Variants in STX8 observed in about 807,000 individuals in gnomAD.
The protein encoded by STX8 is syntaxin 8, also known as syntaxin-8.
A neutral mutation model predicts 37.5 loss-of-function variants in STX8; 23 were observed. The observed-to-expected ratio is 0.61, with a 90% CI of 0.44 to 0.87. STX8 has a LOEUF of 0.87. STX8 is among the 40% of genes least tolerant of loss of function. The pLI is 0.00. For synonymous variants in STX8, 115 were observed against 99.1 expected, an observed-to-expected ratio of 1.16 and a Z score of -0.95; for missense variants, 313 against 284.7, an observed-to-expected ratio of 1.10 and a Z score of -0.71.
At chr17:9,366,008 G>C (rs1204004177) in intron 7 of STX8, among the ~76,000 whole-genome samples, 1 of 151,976 alleles carries the variant, frequency 6.6e-6, no homozygotes, top group African/African-American at 2.4e-5. Context: ...GAGAGACAGA[G>C]GAAGAGGGAA....
chr17:9,483,258 C>G (rs1244245615), intron 6 of STX8, among the ~76,000 whole-genome samples: 2 of 152,006 alleles, frequency 1.3e-5, no homozygotes, highest in Non-Finnish European at 2.9e-5. Flanking sequence ...TCCTTGTACC[C>G]TTGGCTCATG....
chr17:9,369,498 TGA>T (rs1911335240), intron 7 of STX8, among the ~76,000 whole-genome samples: 1 of 152,188 alleles, frequency 6.6e-6, no homozygotes, highest in Non-Finnish European at 1.5e-5. Context: ...AATAATTCTC[TGA>T]GAGACAAAAG....
chr17:9,510,945 A>C (rs530186356), intron 4 of STX8, among the ~76,000 whole-genome samples: 1 of 152,264 alleles, frequency 6.6e-6, no homozygotes, highest in African/African-American at 2.4e-5. Flanking sequence ...GATGCCACAG[A>C]AATACAAAGA....
chr17:9,338,882 T>C (rs537242951), intron 7 of STX8, among the ~76,000 whole-genome samples: 1 of 151,952 alleles, frequency 6.6e-6, no homozygotes, highest in East Asian at 1.9e-4. Flanking sequence ...CCATCCTGGC[T>C]AACACAGTGA....
intron 7 of STX8, among the ~76,000 whole-genome samples, chr17:9,370,607 T>C (rs1230365722): frequency 6.6e-6 from 1 of 152,186 alleles, no homozygotes; most frequent in Non-Finnish European, 1.5e-5. Context: ...TCTAACCACA[T>C]CACTGAAACA....
chr17:9,334,938 C>T (rs1203403118), intron 7 of STX8, among the ~76,000 whole-genome samples: 1 of 152,190 alleles, frequency 6.6e-6, no homozygotes, highest in Non-Finnish European at 1.5e-5. Context: ...TTAACTTTCT[C>T]ATTCTCCTTG....
At chr17:9,259,600 A>C (rs1264052341) in intron 7 of STX8, among the ~76,000 whole-genome samples, 2 of 152,214 alleles carry the variant, frequency 1.3e-5, no homozygotes, top group Non-Finnish European at 2.9e-5. Flanking sequence ...TATTAGCTAC[A>C]GGAAGGGCAG....
At chr17:9,257,315 G>A (rs987555780) in intron 7 of STX8, among the ~76,000 whole-genome samples, 1 of 152,160 alleles carries the variant, frequency 6.6e-6, no homozygotes, top group Non-Finnish European at 1.5e-5. Flanking sequence ...CAGGAATGGT[G>A]TTTTCTGAAG....
chr17:9,440,682 G>A (rs991863151), intron 6 of STX8, among the ~76,000 whole-genome samples: 13 of 151,978 alleles, frequency 8.6e-5, no homozygotes, highest in Admixed American at 1.3e-4. Flanking sequence ...GGACCACCAC[G>A]CTCAGCTAAT....
chr17:9,502,552 A>AT (rs1200229398), intron 5 of STX8, among the ~76,000 whole-genome samples: 1 of 152,218 alleles, frequency 6.6e-6, no homozygotes, highest in East Asian at 1.9e-4. Flanking sequence ...CATAAATATA[A>AT]TTTTTACTTG....
intron 7 of STX8, among the ~76,000 whole-genome samples, chr17:9,294,110 T>G (rs1908425112): frequency 6.6e-6 from 1 of 152,152 alleles, no homozygotes; most frequent in African/African-American, 2.4e-5. Context: ...ATGATGAAGA[T>G]TCCACGGCTA....
At chr17:9,256,172 A>T (rs543219063) in intron 7 of STX8, among the ~76,000 whole-genome samples, 1 of 152,326 alleles carries the variant, frequency 6.6e-6, no homozygotes, top group East Asian at 1.9e-4. Flanking sequence ...GAACTCTCCT[A>T]CCTAAGGCCC....
At chr17:9,514,231 G>T (rs1057125727) in intron 4 of STX8, among the ~76,000 whole-genome samples, 6 of 152,166 alleles carry the variant, frequency 3.9e-5, no homozygotes, top group African/African-American at 1.4e-4. Flanking sequence ...TAATTATCCT[G>T]ACTGGCTCAT....
At chr17:9,367,498 C>A (rs978649712) in intron 7 of STX8, among the ~76,000 whole-genome samples, 1 of 152,148 alleles carries the variant, frequency 6.6e-6, no homozygotes, top group Non-Finnish European at 1.5e-5. Flanking sequence ...CAGAGTCTGC[C>A]TCTGATTCTG....
chr17:9,556,053 G>A (rs1037896088), intron 3 of STX8, among the ~76,000 whole-genome samples: 1 of 152,222 alleles, frequency 6.6e-6, no homozygotes, highest in East Asian at 1.9e-4. Context: ...TTCCAATTGC[G>A]TTAAAAATAA....
intron 7 of STX8, among the ~76,000 whole-genome samples, chr17:9,322,582 T>C (rs1232414066): frequency 6.6e-6 from 1 of 152,148 alleles, no homozygotes; most frequent in East Asian, 1.9e-4. Context: ...CAGGGATCCA[T>C]TCACACCAGT....
chr17:9,400,271 T>C (rs1043545415), intron 6 of STX8, among the ~76,000 whole-genome samples: 21 of 150,904 alleles, frequency 1.4e-4, no homozygotes, highest in Middle Eastern at 3.4e-3. Flanking sequence ...CTCAGCTAAT[T>C]TTTTGTATTT....
intron 4 of STX8, among the ~76,000 whole-genome samples, chr17:9,528,358 C>T (rs779595806): frequency 6.6e-6 from 1 of 152,278 alleles, no homozygotes; most frequent in African/African-American, 2.4e-5. Flanking sequence ...AGTGCAGTGG[C>T]GCAATCTTGG....
intron 7 of STX8, among the ~76,000 whole-genome samples, chr17:9,367,299 A>G (rs1429795755): frequency 6.6e-6 from 1 of 151,968 alleles, no homozygotes; most frequent in Non-Finnish European, 1.5e-5. Flanking sequence ...AGGATGTCAA[A>G]GCCACCAGAT....
Sources: allele counts gnomAD v4.1 joint callset (sites outside exome capture counted in the v4.1 genomes callset), GRCh38; gene constraint gnomAD v4.1.1; transcripts MANE v1.5; gene names NCBI Gene and HGNC (gene_info 2026-07-23, HGNC 2026-07-21).